The following ASAP1 variants were observed in gnomAD, a reference collection of about 807,000 sequenced individuals.
ASAP1 encodes the protein ArfGAP with SH3 domain, ankyrin repeat and PH domain 1.
In ASAP1, 43 loss-of-function variants were observed where a neutral mutation model predicts 145.2. That is an observed-to-expected ratio of 0.30 (90% confidence interval 0.23 to 0.38). ASAP1 has a LOEUF of 0.38. ASAP1 is among the 10% of genes least tolerant of loss of function. The probability of loss-of-function intolerance (pLI) is 1.00; values close to 1 mark genes in which losing one functional copy is unlikely to be tolerated. For missense variants in ASAP1, 1,018 were observed against 1,355.3 expected, an observed-to-expected ratio of 0.75 and a Z score of 3.91; for synonymous variants, 546 against 515.5, an observed-to-expected ratio of 1.06 and a Z score of -0.80.
intron 15 of ASAP1, among the ~76,000 whole-genome samples, chr8:130,132,295 A>G (rs1168462939): frequency 6.6e-6 from 1 of 152,244 alleles, no homozygotes; most frequent in Non-Finnish European, 1.5e-5. Flanking sequence ...CATTTTTATT[A>G]TAAATAGTAC....
intron 27 of ASAP1, among the ~76,000 whole-genome samples, chr8:130,066,477 C>T (rs536058739): frequency 6.6e-6 from 1 of 152,204 alleles, no homozygotes; most frequent in African/African-American, 2.4e-5. Flanking sequence ...TCCCAAAGTG[C>T]TAGGATTAAA....
chr8:130,074,440 AACACACACACACACACAC>A (rs57005471), intron 27 of ASAP1, among the ~76,000 whole-genome samples: 14 of 119,236 alleles, frequency 1.2e-4, no homozygotes, highest in African/African-American at 1.8e-4. Flanking sequence ...CCAAATAGTA[AACACACACACACACACAC>A]ACACACACAC....
At chr8:130,313,128 A>G (rs1823460304) in intron 3 of ASAP1, among the ~76,000 whole-genome samples, 1 of 152,184 alleles carries the variant, frequency 6.6e-6, no homozygotes, top group South Asian at 2.1e-4. Flanking sequence ...ATGTTCTCCT[A>G]GTTTAGTTTC....
chr8:130,300,113 T>TACACACACACACACACACACACAC (rs373589102), intron 3 of ASAP1, among the ~76,000 whole-genome samples: 4 of 72,896 alleles, frequency 5.5e-5, no homozygotes, highest in Non-Finnish European at 4.8e-5. Flanking sequence ...AAAAGAAAAA[T>TACACACACACACACACACACACAC]ACACACACAC....
At chr8:130,238,803 C>T (rs1818361308) in intron 3 of ASAP1, among the ~76,000 whole-genome samples, 1 of 152,030 alleles carries the variant, frequency 6.6e-6, no homozygotes, top group East Asian at 1.9e-4. Context: ...GCTAATGTCA[C>T]ATTCTACACT....
intron 3 of ASAP1, among the ~76,000 whole-genome samples, chr8:130,268,872 T>C (rs1019380294): frequency 6.6e-6 from 1 of 152,148 alleles, no homozygotes; most frequent in African/African-American, 2.4e-5. Context: ...CATTCCCCCA[T>C]CAATTTTGCC....
At chr8:130,409,577 A>G (rs1829178353) in intron 1 of ASAP1, among the ~76,000 whole-genome samples, 1 of 152,202 alleles carries the variant, frequency 6.6e-6, no homozygotes, top group South Asian at 2.1e-4. Flanking sequence ...TACAGTTCAG[A>G]GAGATACAGA....
At chr8:130,382,704 G>A (rs1182868377) in intron 2 of ASAP1, among the ~76,000 whole-genome samples, 1 of 152,124 alleles carries the variant, frequency 6.6e-6, no homozygotes, top group Non-Finnish European at 1.5e-5. Flanking sequence ...AAAATTAGCT[G>A]GGCATGGCGG....
chr8:130,202,792 C>A (rs1303532069), intron 5 of ASAP1, among the ~76,000 whole-genome samples: 7 of 152,140 alleles, frequency 4.6e-5, no homozygotes, highest in Non-Finnish European at 1.0e-4. Context: ...TCAATTATAT[C>A]CAACTTCAAA....
intron 27 of ASAP1, among the ~76,000 whole-genome samples, chr8:130,064,135 G>A (rs1330920284): frequency 2.0e-5 from 3 of 152,198 alleles, no homozygotes; most frequent in African/African-American, 7.2e-5. Context: ...GGAGTGACAT[G>A]ATTGAATGTG....
rs1203073308 is a variant in ASAP1 at position 130,189,884 on chromosome 8, C to T, written c.406-1701G>A. 3.9e-5 allele frequency among the ~76,000 whole-genome samples: 6 copies of T among 152,096 alleles called. No individual in the cohort carries two copies. In the South Asian group the frequency reaches 8.3e-4, roughly 21 times the overall value. On this transcript the variant is annotated intron_variant, in intron 5 of 29. Coordinates refer to ENST00000518721, the MANE Select transcript of ASAP1 (RefSeq NM_018482.4). Reference sequence around the variant, plus strand: ...ATGATATTTCACTGAAGTTTTGATTCGCATTCCTCTGATGATTAGTGATGT... The same window carrying T: ...ATGATATTTCACTGAAGTTTTGATTTGCATTCCTCTGATGATTAGTGATGT...
At chr8:130,168,369 G>A (rs1455921050) in intron 10 of ASAP1, among the ~76,000 whole-genome samples, 2 of 152,032 alleles carry the variant, frequency 1.3e-5, no homozygotes. Context: ...TAAATCAAAG[G>A]CGTGGTGGCT....
At chr8:130,378,749 A>G (rs747062107) in intron 2 of ASAP1, among the ~76,000 whole-genome samples, 4 of 152,228 alleles carry the variant, frequency 2.6e-5, no homozygotes, top group Non-Finnish European at 4.4e-5. Flanking sequence ...GCATGAACAC[A>G]CAGTAGGTGC....
rs146054860 is a variant in ASAP1 at position 130,252,083 on chromosome 8, T to C, written c.187-15089A>G. 7.6e-4 allele frequency among the ~76,000 whole-genome samples: 116 copies of C among 152,316 alleles called. 1 individual carries two copies. In the East Asian group the frequency reaches 0.021, roughly 28 times the overall value. Reference sequence around the variant, plus strand: ...TCATTAGCAGTGTTTTATAGAAAGTTAGAAGTAACCTAAATCCAACAACAG... The same window carrying C: ...TCATTAGCAGTGTTTTATAGAAAGTCAGAAGTAACCTAAATCCAACAACAG... On this transcript the variant is annotated intron_variant, in intron 3 of 29. Transcript: ENST00000518721.
intron 17 of ASAP1, 74 bp from the exon 18 acceptor site, chr8:130,124,178 T>G: frequency 9.3e-7 from 1 of 1,075,960 alleles, no homozygotes; most frequent in South Asian, 1.4e-5. Context: ...TATTATTTGT[T>G]TTTGAGATTT....
chr8:130,092,678 T>C (rs1471231964), intron 24 of ASAP1, among the ~76,000 whole-genome samples: 1 of 152,118 alleles, frequency 6.6e-6, no homozygotes, highest in Non-Finnish European at 1.5e-5. Context: ...CAACACAGAA[T>C]GCTACTGAGT....
chr8:130,161,858 T>C (rs753647440), intron 11 of ASAP1, among the ~76,000 whole-genome samples: 1 of 152,122 alleles, frequency 6.6e-6, no homozygotes, highest in African/African-American at 2.4e-5. Context: ...CTGAATGCAA[T>C]AGTGTGATCA....
intron 4 of ASAP1, among the ~76,000 whole-genome samples, chr8:130,223,909 G>C (rs1817440234): frequency 6.6e-6 from 1 of 151,950 alleles, no homozygotes; most frequent in Admixed American, 6.6e-5. Context: ...AGGATAGCTG[G>C]GATACACGCA....
intron 3 of ASAP1, among the ~76,000 whole-genome samples, chr8:130,265,202 C>T (rs2137015835): frequency 6.6e-6 from 1 of 152,186 alleles, no homozygotes; most frequent in Middle Eastern, 3.4e-3. Flanking sequence ...ATAAATGTTT[C>T]TAGAAGTGAA....
Sources: allele counts gnomAD v4.1 joint callset (sites outside exome capture counted in the v4.1 genomes callset), GRCh38; gene constraint gnomAD v4.1.1; transcripts MANE v1.5; gene names NCBI Gene and HGNC (gene_info 2026-07-23, HGNC 2026-07-21).